SND1: variants seen among roughly 807,000 people sequenced by gnomAD.
SND1 encodes the protein staphylococcal nuclease domain-containing protein 1.
Under a neutral mutation model 121.7 loss-of-function variants are expected in SND1, and 38 were observed. That is an observed-to-expected ratio of 0.31 (90% CI 0.24 to 0.41). The LOEUF is 0.41. SND1 is among the 10% of genes least tolerant of loss of function. The pLI is 1.00. For synonymous variants in SND1, 401 were observed against 447.4 expected (o/e 0.90, Z 1.31); for missense variants, 868 against 1,184.6 (o/e 0.73, Z 3.92).
chr7:127,745,372 C>A (rs1300718906), intron 10 of SND1, among the ~76,000 whole-genome samples: 1 of 152,152 alleles, frequency 6.6e-6, no homozygotes, highest in Non-Finnish European at 1.5e-5. Flanking sequence ...ATAAGTGGTT[C>A]ATTATTGACT....
chr7:127,927,110 T>G (rs1458888601), intron 14 of SND1, among the ~76,000 whole-genome samples: 7 of 152,098 alleles, frequency 4.6e-5, no homozygotes, highest in Admixed American at 4.6e-4. Context: ...GTTTCTCTCT[T>G]TATAAAGTAG....
intron 16 of SND1, among the ~76,000 whole-genome samples, chr7:128,062,944 C>T (rs1793254991): frequency 1.3e-5 from 2 of 152,302 alleles, no homozygotes; most frequent in South Asian, 4.1e-4. Context: ...AGCTTCCAGC[C>T]GTCTCAGCCC....
At chr7:127,914,120 A>C (rs757563813) in intron 14 of SND1, among the ~76,000 whole-genome samples, 1 of 152,144 alleles carries the variant, frequency 6.6e-6, no homozygotes, top group Non-Finnish European at 1.5e-5. Flanking sequence ...AGGGGCCTGA[A>C]AATGTAAGCT....
At chr7:127,739,512 G>A (rs367940573) in intron 10 of SND1, among the ~76,000 whole-genome samples, 4 of 152,156 alleles carry the variant, frequency 2.6e-5, no homozygotes, top group African/African-American at 9.7e-5. Flanking sequence ...GCATCCTCAA[G>A]GATTACTTGG....
intron 14 of SND1, among the ~76,000 whole-genome samples, chr7:127,918,055 C>CTTT (rs11375840): frequency 4.9e-5 from 7 of 142,406 alleles, no homozygotes; most frequent in Non-Finnish European, 7.6e-5. Flanking sequence ...TAGATTTTTT[C>CTTT]TTTTTTTTTT....
intron 11 of SND1, among the ~76,000 whole-genome samples, chr7:127,810,620 T>G (rs550066019): frequency 6.6e-6 from 1 of 152,232 alleles, no homozygotes; most frequent in Non-Finnish European, 1.5e-5. Flanking sequence ...TGTGGTCTTC[T>G]TCTGATAGCA....
At chr7:128,063,840 G>A (rs1793270298) in intron 16 of SND1, among the ~76,000 whole-genome samples, 1 of 152,240 alleles carries the variant, frequency 6.6e-6, no homozygotes. Context: ...ATGTGCCAAG[G>A]CCTGGAACCA....
chr7:127,766,725 T>C (rs1318724541), intron 10 of SND1, among the ~76,000 whole-genome samples: 3 of 115,708 alleles, frequency 2.6e-5, no homozygotes, highest in Admixed American at 1.3e-4. Context: ...TGAGCCGAGA[T>C]GGCGCCACTG....
At chr7:127,730,927 T>C (rs936416720) in intron 10 of SND1, among the ~76,000 whole-genome samples, 1 of 152,258 alleles carries the variant, frequency 6.6e-6, no homozygotes. Flanking sequence ...CGCGGGACTT[T>C]TTTCACATGC....
At chr7:128,078,153 T>C (rs1793537237) in intron 17 of SND1, among the ~76,000 whole-genome samples, 1 of 152,148 alleles carries the variant, frequency 6.6e-6, no homozygotes, top group South Asian at 2.1e-4. Context: ...GTTCTAAGGA[T>C]GGGGACAAGG....
chr7:127,875,583 A>G (rs915268472), intron 12 of SND1, among the ~76,000 whole-genome samples: 8 of 152,198 alleles, frequency 5.3e-5, no homozygotes, highest in African/African-American at 1.9e-4. Context: ...CAGGTTTGAA[A>G]TCAGAAAACC....
chr7:127,722,497 T>C (rs994449751), intron 10 of SND1, among the ~76,000 whole-genome samples: 15 of 152,006 alleles, frequency 9.9e-5, no homozygotes, highest in Non-Finnish European at 2.2e-4. Flanking sequence ...CTACCTTTTT[T>C]TTATTTATGC....
At chr7:127,734,319 T>C (rs559369281) in intron 10 of SND1, among the ~76,000 whole-genome samples, 38 of 152,268 alleles carry the variant, frequency 2.5e-4, no homozygotes, top group African/African-American at 8.9e-4. Flanking sequence ...CTCTAGGGAA[T>C]AGTAGAGTTT....
intron 16 of SND1, among the ~76,000 whole-genome samples, chr7:128,039,975 C>A (rs1792821662): frequency 6.6e-6 from 1 of 152,158 alleles, no homozygotes; most frequent in Non-Finnish European, 1.5e-5. Context: ...TCGGCGGGTA[C>A]CTGCTGGGCA....
intron 10 of SND1, among the ~76,000 whole-genome samples, chr7:127,742,481 G>A (rs892134557): frequency 2.7e-5 from 4 of 150,668 alleles, no homozygotes; most frequent in Non-Finnish European, 5.9e-5. Context: ...ACTCACCTTC[G>A]TTTTTCCTGC....
chr7:128,018,699 G>A (rs758115027), intron 16 of SND1, among the ~76,000 whole-genome samples: 4 of 152,268 alleles, frequency 2.6e-5, no homozygotes, highest in African/African-American at 7.2e-5. Flanking sequence ...GAAGCAGTCC[G>A]TCTCTATCAC....
At chr7:127,929,957 C>T (rs1467160827) in intron 15 of SND1, among the ~76,000 whole-genome samples, 1 of 152,230 alleles carries the variant, frequency 6.6e-6, no homozygotes, top group Non-Finnish European at 1.5e-5. Flanking sequence ...TAATATTTCA[C>T]AAGCCAGAAG....
chr7:127,684,576 A>G (rs920215762), intron 1 of SND1, among the ~76,000 whole-genome samples: 1 of 152,174 alleles, frequency 6.6e-6, no homozygotes, highest in Non-Finnish European at 1.5e-5. Context: ...CTACTCTAGT[A>G]TACCTGTTCT....
At chr7:127,655,098 A>G (rs1562968705) in intron 1 of SND1, among the ~76,000 whole-genome samples, 1 of 152,290 alleles carries the variant, frequency 6.6e-6, no homozygotes. Flanking sequence ...ACACTGACCT[A>G]CGCTTTTCAT....
Sources: gnomAD v4.1 joint callset for allele counts (sites outside exome capture counted in the v4.1 genomes callset) on GRCh38, gnomAD v4.1.1 for gene constraint, MANE v1.5 for transcripts, NCBI Gene and HGNC (gene_info 2026-07-23, HGNC 2026-07-21) for gene names.